MBD5: variants seen among roughly 807,000 people sequenced by gnomAD.
The protein encoded by MBD5 is methyl-CpG-binding domain protein 5.
In MBD5, 13 loss-of-function variants were observed where a neutral mutation model predicts 117.3. That is an observed-to-expected ratio of 0.11 (90% CI 0.07 to 0.18). The LOEUF is 0.18. Among genes scored for constraint, MBD5 ranks in the 10% least tolerant of loss-of-function variants. MBD5 has a pLI of 1.00. For missense variants in MBD5, 1,879 were observed against 2,093.8 expected (o/e 0.90, Z 2.00); for synonymous variants, 727 against 766.4 (o/e 0.95, Z 0.85).
intron 3 of MBD5, among the ~76,000 whole-genome samples, chr2:148,265,673 C>G (rs745805597): frequency 5.9e-5 from 9 of 152,088 alleles, no homozygotes; most frequent in Admixed American, 2.0e-4. Flanking sequence ...TTTACTCTTT[C>G]AAAACATTAT....
chr2:148,411,762 A>G, intron 4 of MBD5, among the ~76,000 whole-genome samples: 1 of 152,016 alleles, frequency 6.6e-6, no homozygotes. Flanking sequence ...TCAGATGAAT[A>G]GTTTGCAAAT....
chr2:148,286,395 C>A (rs1413685290), intron 3 of MBD5, among the ~76,000 whole-genome samples: 1 of 152,164 alleles, frequency 6.6e-6, no homozygotes, highest in Non-Finnish European at 1.5e-5. Context: ...GCATTTCGAT[C>A]CCCAAGCTGA....
chr2:148,290,918 A>G (rs1701485728), intron 3 of MBD5, among the ~76,000 whole-genome samples: 1 of 152,188 alleles, frequency 6.6e-6, no homozygotes, highest in Non-Finnish European at 1.5e-5. Context: ...TATGTTTAAC[A>G]TTTGAGAGAC....
chr2:148,267,317 G>A (rs1263821621), intron 3 of MBD5, among the ~76,000 whole-genome samples: 1 of 152,162 alleles, frequency 6.6e-6, no homozygotes, highest in Non-Finnish European at 1.5e-5. Flanking sequence ...TGTTAATAGA[G>A]TTGTGAAAAT....
At chr2:148,143,666 T>C (rs565588057) in intron 1 of MBD5, among the ~76,000 whole-genome samples, 1 of 152,302 alleles carries the variant, frequency 6.6e-6, no homozygotes, top group Admixed American at 6.5e-5. Flanking sequence ...AGTGTTCTCA[T>C]TGTTCAATTC....
At chr2:148,385,517 G>C (rs56411238) in intron 4 of MBD5, among the ~76,000 whole-genome samples, 2,518 of 152,190 alleles carry the variant, frequency 0.017, 74 homozygotes, top group African/African-American at 0.057. Context: ...TGGTGGAACT[G>C]TAAACTGGTT....
At chr2:148,227,694 T>A (rs1255835256) in intron 2 of MBD5, among the ~76,000 whole-genome samples, 5 of 152,196 alleles carry the variant, frequency 3.3e-5, no homozygotes, top group Admixed American at 2.0e-4. Flanking sequence ...AATCTATAAA[T>A]TACCTTGGGC....
At chr2:148,259,918 A>C (rs956301325) in intron 3 of MBD5, among the ~76,000 whole-genome samples, 1 of 152,156 alleles carries the variant, frequency 6.6e-6, no homozygotes, top group Non-Finnish European at 1.5e-5. Context: ...ATAGTTTATT[A>C]CTAACAACAA....
intron 4 of MBD5, among the ~76,000 whole-genome samples, chr2:148,438,205 T>C (rs1472831360): frequency 6.6e-6 from 1 of 152,208 alleles, no homozygotes; most frequent in Non-Finnish European, 1.5e-5. Context: ...GCTACGGAAG[T>C]CATACACAAC....
At chr2:148,411,871 T>C (rs954514656) in intron 4 of MBD5, among the ~76,000 whole-genome samples, 5 of 152,142 alleles carry the variant, frequency 3.3e-5, no homozygotes, top group African/African-American at 1.2e-4. Flanking sequence ...TCTCACTTTT[T>C]TGCTTTTGTT....
intron 1 of MBD5, among the ~76,000 whole-genome samples, chr2:148,063,148 G>C (rs1009746455): frequency 3.3e-5 from 5 of 152,070 alleles, no homozygotes; most frequent in Non-Finnish European, 5.9e-5. Context: ...ATAAAGTTGA[G>C]GTACATGTTA....
rs764468729 is a variant in MBD5 at position 148,489,479 on chromosome 2, C to G, written c.3847C>G (p.Pro1283Ala). Residue 1283 changes from proline (P) to alanine (A), a missense_variant, in exon 11 of 14, where the codon CCA becomes GCA. Coordinates refer to ENST00000642680, the MANE Select transcript of MBD5 (RefSeq NM_001378120.1). ...TCCTGAGAATCCAAACACTACACTT[C>G]CACCTTTTCAAGATACACCTTGTGA... ...ALPENPNTTL[P>A]PFQDTPCELQ... 49 of 1,614,068 alleles carry G rather than the reference C, an allele frequency of 3.0e-5. No individual in the cohort carries two copies. The highest frequency in any genetic ancestry group is 1.6e-4 in the Middle Eastern group (1 of 6,084).
chr2:148,143,501 G>A (rs528779033), intron 1 of MBD5, among the ~76,000 whole-genome samples: 15 of 152,012 alleles, frequency 9.9e-5, no homozygotes, highest in East Asian at 5.8e-4. Flanking sequence ...TATACTTTAC[G>A]TTCTAGAGTA....
chr2:148,303,692 T>C (rs1360389577), intron 3 of MBD5, among the ~76,000 whole-genome samples: 2 of 152,210 alleles, frequency 1.3e-5, no homozygotes, highest in Non-Finnish European at 2.9e-5. Context: ...AATGATTGAT[T>C]ATGGACAATT....
intron 1 of MBD5, among the ~76,000 whole-genome samples, chr2:148,035,507 T>C (rs111972881): frequency 6.6e-6 from 1 of 152,278 alleles, no homozygotes; most frequent in Non-Finnish European, 1.5e-5. Context: ...ACCCACAAAG[T>C]GGACATCTGT....
chr2:148,368,026 T>C lies in MBD5; in HGVS notation c.-557+25690T>C, dbSNP rs2105347530. Among the ~76,000 whole-genome samples the C allele has an allele frequency of 1.3e-5, 2 of 152,296 alleles. 1 individual carries two copies. Among genetic ancestry groups the C allele is most frequent in the South Asian group, 4.1e-4 (2 of 4,826 alleles). On this transcript the variant is annotated intron_variant, in intron 4 of 13. Transcript: ENST00000642680. ...ATTCTACTATAAAGACACATGCTCATGTACGTTTATTGCAGCATTATTCAC... is the reference window on the plus strand; with the variant it reads ...ATTCTACTATAAAGACACATGCTCACGTACGTTTATTGCAGCATTATTCAC...
At chr2:148,268,707 T>TA (rs1195745336) in intron 3 of MBD5, among the ~76,000 whole-genome samples, 2 of 151,642 alleles carry the variant, frequency 1.3e-5, no homozygotes, top group East Asian at 1.9e-4. Flanking sequence ...TTGGACATTA[T>TA]AAAAAAACTT....
intron 1 of MBD5, among the ~76,000 whole-genome samples, chr2:148,119,536 T>A (rs1696717657): frequency 6.6e-6 from 1 of 152,164 alleles, no homozygotes; most frequent in African/African-American, 2.4e-5. Context: ...TTTTTTCTTC[T>A]TTTACTTGTG....
intron 4 of MBD5, among the ~76,000 whole-genome samples, chr2:148,402,988 A>T (rs1428849296): frequency 6.6e-6 from 1 of 151,480 alleles, no homozygotes; most frequent in Non-Finnish European, 1.5e-5. Flanking sequence ...GATAGTTTCT[A>T]TTGTTATATC....
Sources: allele counts gnomAD v4.1 joint callset (sites outside exome capture counted in the v4.1 genomes callset), GRCh38; gene constraint gnomAD v4.1.1; transcripts MANE v1.5; gene names NCBI Gene and HGNC (gene_info 2026-07-23, HGNC 2026-07-21).